PAK1: variants seen among roughly 807,000 people sequenced by gnomAD.
PAK1 encodes the protein p21 (RAC1) activated kinase 1, also known as serine/threonine-protein kinase PAK 1.
In PAK1, 29 loss-of-function variants were observed where a neutral mutation model predicts 67.4. The ratio of observed to expected loss-of-function variants is 0.43; its 90% CI spans 0.32 to 0.59. PAK1 has a LOEUF of 0.59. Among genes scored for constraint, PAK1 ranks in the 20% least tolerant of loss-of-function variants. PAK1 has a pLI of 0.07. For missense variants in PAK1, 337 were observed against 670.7 expected, an observed-to-expected ratio of 0.50 and a Z score of 5.50; for synonymous variants, 223 against 237.4, an observed-to-expected ratio of 0.94 and a Z score of 0.56.
chr11:77,375,456 G>T (rs895560942), intron 4 of PAK1, among the ~76,000 whole-genome samples: 5 of 152,028 alleles, frequency 3.3e-5, no homozygotes, highest in African/African-American at 1.2e-4. Flanking sequence ...TTAAAGGTAG[G>T]GTCTTGTTTT....
chr11:77,529,206 C>A, the PAK1 span, among the ~76,000 whole-genome samples: 3 of 152,142 alleles, frequency 2.0e-5, no homozygotes, highest in East Asian at 3.8e-4. Flanking sequence ...AATCATTGAG[C>A]TTTTAGCCTT....
intron 1 of PAK1, among the ~76,000 whole-genome samples, chr11:77,419,954 C>T (rs929669429): frequency 6.6e-6 from 1 of 151,930 alleles, no homozygotes; most frequent in African/African-American, 2.4e-5. Context: ...AGTAAAGAAA[C>T]AAGCAAAAGA....
chr11:77,500,389 C>G, the PAK1 span, among the ~76,000 whole-genome samples: 1 of 152,024 alleles, frequency 6.6e-6, no homozygotes, highest in Non-Finnish European at 1.5e-5. Flanking sequence ...ATTGCTGGAA[C>G]CCAGGCAGCG....
At chr11:77,332,912 C>G in intron 13 of PAK1, 45 bp from the exon 14 acceptor site, 1 of 1,590,596 alleles carries the variant, frequency 6.3e-7, no homozygotes. Flanking sequence ...AAATGAGGCT[C>G]TCTCTTGTTC....
At chr11:77,361,151 CA>C (rs1946728655) in intron 5 of PAK1, among the ~76,000 whole-genome samples, 1 of 152,072 alleles carries the variant, frequency 6.6e-6, no homozygotes, top group Non-Finnish European at 1.5e-5. Context: ...AAACAATCAC[CA>C]AAGTGTCTGC....
the PAK1 span, among the ~76,000 whole-genome samples, chr11:77,528,295 A>G: frequency 6.6e-6 from 1 of 150,974 alleles, no homozygotes; most frequent in Non-Finnish European, 1.5e-5. Flanking sequence ...TATCCAATCC[A>G]CGTAATTTTC....
At chr11:77,518,647 T>A in the PAK1 span, among the ~76,000 whole-genome samples, 1 of 152,094 alleles carries the variant, frequency 6.6e-6, no homozygotes, top group African/African-American at 2.4e-5. Flanking sequence ...CAGCAGCCCT[T>A]CCTTCCACCC....
intron 1 of PAK1, among the ~76,000 whole-genome samples, chr11:77,434,444 T>TC (rs2138360211): frequency 6.6e-6 from 1 of 151,972 alleles, no homozygotes; most frequent in South Asian, 2.1e-4. Flanking sequence ...ATATTCTTTT[T>TC]CTTTTTTTTT....
chr11:77,337,428 T>A lies in PAK1; in HGVS notation c.1117-5A>T, dbSNP rs770645004. Reference sequence around the variant, plus strand: ...GAACTCCAGAGCCTGCAGACACTATTGAAGTGGTGTGGGCAGGGGGAGAAA... The same window carrying A: ...GAACTCCAGAGCCTGCAGACACTATAGAAGTGGTGTGGGCAGGGGGAGAAA... On this transcript the variant is annotated splice_region_variant and splice_polypyrimidine_tract_variant and intron_variant, in intron 11 of 14. Coordinates refer to ENST00000356341, the MANE Select transcript of PAK1 (RefSeq NM_002576.5). 3 of 1,532,970 alleles carry A rather than the reference T, an allele frequency of 2.0e-6. No individual in the cohort carries two copies. The highest frequency in any genetic ancestry group is 2.7e-6 in the Non-Finnish European group (3 of 1,107,556). The allele number at this position is 1,532,970 out of a possible 1,614,324, so 95.0% of individuals were successfully genotyped here.
intron 5 of PAK1, among the ~76,000 whole-genome samples, chr11:77,368,692 T>C (rs895103444): frequency 2.6e-5 from 4 of 152,148 alleles, no homozygotes; most frequent in African/African-American, 4.8e-5. Flanking sequence ...AGTCCCACTC[T>C]GCGGCCCAGG....
Position 77,473,894 on chromosome 11 carries a change from GA to G in PAK1, c.-365del. The stretch of plus-strand genomic sequence containing the variant: ...GCTCACGAAAGCGCGGGGCTCCGTG[GA>G]AAAGGGAATGAGAGTCCAAGGGGGA... On this transcript the variant is annotated 5_prime_UTR_variant, in exon 1 of 15. Transcript: ENST00000356341. 6.6e-6 allele frequency: 1 copy of G among 152,346 alleles called. No homozygotes were observed. The highest frequency in any genetic ancestry group is 1.5e-5 in the Non-Finnish European group (1 of 68,442). 9.4% of individuals were successfully genotyped at this position (152,346 alleles called of 1,614,324 possible).
intron 9 of PAK1, among the ~76,000 whole-genome samples, chr11:77,346,682 A>T (rs1026979695): frequency 2.0e-5 from 3 of 152,228 alleles, no homozygotes; most frequent in African/African-American, 7.2e-5. Context: ...TTTATCAAAT[A>T]CCAACTGTGT....
Position 77,444,973 on chromosome 11 carries a change from C to CAA in PAK1, c.-22+28577_-22+28578dup, listed in dbSNP as rs34653938. On this transcript the variant is annotated intron_variant, in intron 1 of 14. Transcript: ENST00000356341. ...TACTGTTATGGGTTGAATTGTGTCTCAAAAAAAAAAAAATGTTAAAATCCT... is the reference window on the plus strand; with the variant it reads ...TACTGTTATGGGTTGAATTGTGTCTCAAAAAAAAAAAAAAATGTTAAAATCCT... Among the ~76,000 whole-genome samples, 1,048 of 143,712 alleles carry CAA rather than the reference C, an allele frequency of 7.3e-3. 8 individuals carry two copies. The highest frequency in any genetic ancestry group is 0.034 in the South Asian group (156 of 4,590). 94.3% of individuals were successfully genotyped at this position (143,712 alleles called of 152,430 possible).
chr11:77,509,457 T>A, the PAK1 span, among the ~76,000 whole-genome samples: 1 of 152,206 alleles, frequency 6.6e-6, no homozygotes, highest in African/African-American at 2.4e-5. Context: ...TATTAAAGCC[T>A]CTAAATTTTC....
intron 1 of PAK1, among the ~76,000 whole-genome samples, chr11:77,434,576 T>C (rs567114303): frequency 1.3e-5 from 2 of 152,170 alleles, no homozygotes; most frequent in East Asian, 3.9e-4. Flanking sequence ...GCCTCCCAAG[T>C]AGCTGAAACC....
chr11:77,391,839 G>C (rs1219931231), intron 2 of PAK1, among the ~76,000 whole-genome samples: 6 of 152,156 alleles, frequency 3.9e-5, no homozygotes, highest in African/African-American at 1.4e-4. Flanking sequence ...CATGCTGAAT[G>C]CTAGTTATCT....
chr11:77,494,008 C>T, the PAK1 span, among the ~76,000 whole-genome samples: 75 of 152,284 alleles, frequency 4.9e-4, no homozygotes, highest in African/African-American at 1.7e-3. Flanking sequence ...TGAACACTCT[C>T]ATACAATTTT....
intron 5 of PAK1, among the ~76,000 whole-genome samples, chr11:77,370,151 T>C (rs1048295043): frequency 4.6e-5 from 7 of 152,194 alleles, no homozygotes; most frequent in African/African-American, 1.7e-4. Flanking sequence ...TTAGGGTATG[T>C]AGGCATGGAA....
chr11:77,403,644 C>T (rs1444325046), intron 1 of PAK1, among the ~76,000 whole-genome samples: 2 of 152,116 alleles, frequency 1.3e-5, no homozygotes, highest in African/African-American at 4.8e-5. Context: ...CCCTTCCCTC[C>T]TTTTCCAAAA....
Sources: gnomAD v4.1 joint callset for allele counts (sites outside exome capture counted in the v4.1 genomes callset) on GRCh38, gnomAD v4.1.1 for gene constraint, MANE v1.5 for transcripts, NCBI Gene and HGNC (gene_info 2026-07-23, HGNC 2026-07-21) for gene names.